MGLL: variants seen among roughly 807,000 people sequenced by gnomAD.
The protein encoded by MGLL is monoglyceride lipase, also known as lysophospholipase homolog.
In MGLL, 7 loss-of-function variants were observed where a neutral mutation model predicts 29.1. The ratio of observed to expected loss-of-function variants is 0.24; its 90% CI spans 0.14 to 0.45. The LOEUF is 0.45. Ranked by LOEUF, MGLL falls within the 20% of genes least tolerant of loss-of-function variation. MGLL has a pLI of 0.99. For synonymous variants in MGLL, 148 were observed against 168.3 expected (o/e 0.88, Z 0.93); for missense variants, 356 against 413.6 (o/e 0.86, Z 1.21).
At chr3:127,776,736 G>T (rs1039770238) in intron 3 of MGLL, among the ~76,000 whole-genome samples, 13 of 152,208 alleles carry the variant, frequency 8.5e-5, no homozygotes, top group African/African-American at 3.1e-4. Context: ...TGCTTACGTG[G>T]ATACCTTAAT....
At chr3:127,777,996 T>C (rs1220569977) in intron 3 of MGLL, among the ~76,000 whole-genome samples, 1 of 152,172 alleles carries the variant, frequency 6.6e-6, no homozygotes, top group Non-Finnish European at 1.5e-5. Flanking sequence ...AAAGTTAAAT[T>C]AGATGCTTAT....
At chr3:127,758,193 C>T (rs1371582307) in intron 3 of MGLL, among the ~76,000 whole-genome samples, 2 of 152,202 alleles carry the variant, frequency 1.3e-5, no homozygotes, top group Non-Finnish European at 2.9e-5. Context: ...CTTTGCTCAA[C>T]TACCACTTTC....
intron 3 of MGLL, among the ~76,000 whole-genome samples, chr3:127,738,015 G>A (rs765406067): frequency 3.9e-5 from 6 of 152,076 alleles, no homozygotes; most frequent in Admixed American, 2.0e-4. Context: ...AGAAGTGCTC[G>A]TGTGGCTAGG....
intron 3 of MGLL, among the ~76,000 whole-genome samples, chr3:127,766,409 A>G (rs140292084): frequency 6.6e-6 from 1 of 152,318 alleles, no homozygotes; most frequent in African/African-American, 2.4e-5. Context: ...CACCTTATTG[A>G]AAGTAAATCC....
In MGLL at chr3:127,748,298, ACGC is replaced by A. The variant is rs1289092434; in HGVS notation, c.263-25735_263-25733del. On this transcript the variant is annotated intron_variant, in intron 3 of 7. Coordinates refer to ENST00000265052, the MANE Select transcript of MGLL (RefSeq NM_007283.7). ...TCCGAGTCATTCTCAACTGAGGGTT[ACGC>A]ATCGCAGTCTGTTGACATTGTTCCA... 4.6e-5 allele frequency among the ~76,000 whole-genome samples: 7 copies of A among 152,146 alleles called. No homozygotes were observed. The East Asian group carries it at 1.4e-3, about 29-fold the overall frequency.
Position 127,781,858 on chromosome 3 carries a change from T to C in MGLL, c.193A>G (p.Ser65Gly), listed in dbSNP as rs748375840. 2 of 1,614,076 alleles carry C rather than the reference T, an allele frequency of 1.2e-6. No homozygotes were observed. The highest frequency in any genetic ancestry group is 2.2e-5 in the East Asian group (1 of 44,876). Reference protein sequence around the residue: ...IFVSHGAGEHSGRYEELARML... With the variant: ...IFVSHGAGEHGGRYEELARML... Reference sequence around the variant, plus strand: ...CGAGCCAGCTCTTCATAGCGGCCACTGTGCTCTCCGGCTCCATGGGACACA... The same window carrying C: ...CGAGCCAGCTCTTCATAGCGGCCACCGTGCTCTCCGGCTCCATGGGACACA... The change falls in exon 3 of 8, where the codon AGT becomes GGT. Residue 65 changes from serine (S) to glycine (G), a missense_variant. Coordinates refer to ENST00000265052, the MANE Select transcript of MGLL (RefSeq NM_007283.7).
At chr3:127,744,389 G>T (rs1376551088) in intron 3 of MGLL, among the ~76,000 whole-genome samples, 1 of 152,192 alleles carries the variant, frequency 6.6e-6, no homozygotes, top group East Asian at 1.9e-4. Context: ...TAAGTGGCTG[G>T]TTCCGTGGGG....
intron 3 of MGLL, among the ~76,000 whole-genome samples, chr3:127,733,297 C>T (rs890432256): frequency 1.3e-5 from 2 of 152,198 alleles, no homozygotes; most frequent in Admixed American, 6.5e-5. Context: ...GAATAATCCA[C>T]CCCTTGTTTA....
intron 6 of MGLL, 120 bp from the exon 7 acceptor site, chr3:127,695,310 G>A (rs1357364175): frequency 2.4e-5 from 25 of 1,038,208 alleles, no homozygotes; most frequent in Non-Finnish European, 3.4e-5. Flanking sequence ...ATTCAGGTCA[G>A]CTGGGCTTGG....
chr3:127,700,042 T>C (rs1046120190), intron 6 of MGLL, among the ~76,000 whole-genome samples: 1 of 152,222 alleles, frequency 6.6e-6, no homozygotes, highest in Non-Finnish European at 1.5e-5. Context: ...CCCTTCCACC[T>C]GGGCTTTAGA....
rs2077129632 is a variant in MGLL, at chr3:127,781,778, G to A, written c.262+11C>T. ...GCCCAGCCAGCTCTGACGGCACCCT[G>A]GGACACTCACCATGGTCGTGGGCGA... is the stretch of plus-strand genomic sequence containing the variant. On this transcript the variant is annotated intron_variant, in intron 3 of 7. Coordinates refer to ENST00000265052, the MANE Select transcript of MGLL (RefSeq NM_007283.7). The A allele has an allele frequency of 1.2e-6, 2 of 1,613,496 alleles. No individual in the cohort carries two copies. The highest frequency in any genetic ancestry group is 1.7e-6 in the Non-Finnish European group (2 of 1,179,468).
At chr3:127,743,308 T>C (rs1275392484) in intron 3 of MGLL, among the ~76,000 whole-genome samples, 3 of 152,140 alleles carry the variant, frequency 2.0e-5, no homozygotes, top group Admixed American at 6.5e-5. Flanking sequence ...CCTTCCTACT[T>C]CAGGCTGCAA....
chr3:127,801,302 C>CAA (rs1167832631), intron 2 of MGLL, among the ~76,000 whole-genome samples: 1 of 55,048 alleles, frequency 1.8e-5, no homozygotes, highest in Non-Finnish European at 3.8e-5. Flanking sequence ...AACTCCATCT[C>CAA]AAAAAAAAAA....
In MGLL at chr3:127,777,789, C is replaced by T. The variant is rs140866290; in HGVS notation, c.262+4000G>A. On this transcript the variant is annotated intron_variant, in intron 3 of 7. Coordinates refer to ENST00000265052, the MANE Select transcript of MGLL (RefSeq NM_007283.7). The stretch of plus-strand genomic sequence containing the variant: ...GGATCTGCTTGAATATACAGCCACA[C>T]GTTCCTCACTTATAAAATGGGGAAA... 4.3e-3 allele frequency among the ~76,000 whole-genome samples: 658 copies of T among 152,278 alleles called. 7 individuals are homozygous for T. The highest frequency in any genetic ancestry group is 0.015 in the African/African-American group (607 of 41,554).
intron 6 of MGLL, among the ~76,000 whole-genome samples, chr3:127,695,764 G>A (rs1056717222): frequency 6.6e-6 from 1 of 152,122 alleles, no homozygotes; most frequent in Non-Finnish European, 1.5e-5. Flanking sequence ...TAAAAAAAAC[G>A]AAAGTTTCAA....
At position 127,798,900 on chromosome 3, in the gene MGLL, T is replaced by C. The variant is rs9862130; in HGVS notation, c.156-17005A>G. Reference sequence around the variant, plus strand: ...CACAATGAAGTGAGGTCACAGGTGGTGCAGCCAAGCTGGAGAGCACCCGAG... The same window carrying C: ...CACAATGAAGTGAGGTCACAGGTGGCGCAGCCAAGCTGGAGAGCACCCGAG... On this transcript the variant is annotated intron_variant, in intron 2 of 7. Coordinates refer to ENST00000265052, the MANE Select transcript of MGLL (RefSeq NM_007283.7). 6.7e-3 allele frequency among the ~76,000 whole-genome samples: 1,025 copies of C among 152,166 alleles called. 11 individuals carry two copies. The highest frequency in any genetic ancestry group is 0.023 in the African/African-American group (971 of 41,506).
chr3:127,780,191 C>A (rs2077098729), intron 3 of MGLL, among the ~76,000 whole-genome samples: 1 of 152,154 alleles, frequency 6.6e-6, no homozygotes, highest in African/African-American at 2.4e-5. Context: ...CACAGCCAGA[C>A]AAAATAAACA....
chr3:127,722,542 T>TC lies in MGLL; in HGVS notation c.286dup (p.Glu96GlyfsTer7). 2 of 1,614,110 alleles carry TC rather than the reference T, an allele frequency of 1.2e-6. No individual in the cohort carries two copies. The highest frequency in any genetic ancestry group is 1.7e-6 in the Non-Finnish European group (2 of 1,180,024). On this transcript the variant is annotated frameshift_variant, in exon 4 of 8. Transcript: ENST00000265052. LOFTEE classifies it high-confidence loss of function. ...GTGGAAGTCAGACACTACCATCCTC[T>TC]CCCCTTCGCTCTGTCCGTGGCCAAC...
At chr3:127,728,464 C>A (rs1022491233) in intron 3 of MGLL, among the ~76,000 whole-genome samples, 8 of 152,176 alleles carry the variant, frequency 5.3e-5, no homozygotes, top group African/African-American at 1.9e-4. Flanking sequence ...TAGAAACAGT[C>A]TTGTCTATTT....
Sources: allele counts gnomAD v4.1 joint callset (sites outside exome capture counted in the v4.1 genomes callset), GRCh38; gene constraint gnomAD v4.1.1; transcripts MANE v1.5; gene names NCBI Gene and HGNC (gene_info 2026-07-23, HGNC 2026-07-21).